The following LPP variants were observed in gnomAD, a reference collection of about 807,000 sequenced individuals.
The protein encoded by LPP is LIM domain containing preferred translocation partner in lipoma.
A neutral mutation model predicts 60.4 loss-of-function variants in LPP; 38 were observed. That is an observed-to-expected ratio of 0.63 (90% CI 0.49 to 0.83). The LOEUF (loss-of-function observed/expected upper bound fraction) is 0.83. Among genes scored for constraint, LPP ranks in the 40% least tolerant of loss-of-function variants. The probability of loss-of-function intolerance (pLI) is 0.00; values close to 1 mark genes in which losing one functional copy is unlikely to be tolerated. For missense variants in LPP, 902 were observed against 783.6 expected (o/e 1.15, Z -1.80); for synonymous variants, 328 against 290.8 (o/e 1.13, Z -1.30).
At chr3:188,841,391 TTG>T (rs1384010280) in intron 9 of LPP, among the ~76,000 whole-genome samples, 188 of 123,594 alleles carry the variant, frequency 1.5e-3, no homozygotes, top group African/African-American at 5.9e-3. Context: ...CTTTCTGAAT[TTG>T]TTTTTTTTTT....
chr3:188,856,734 T>C (rs1425520721), intron 9 of LPP, among the ~76,000 whole-genome samples: 3 of 152,124 alleles, frequency 2.0e-5, no homozygotes, highest in Non-Finnish European at 4.4e-5. Flanking sequence ...ATGAAACTGG[T>C]CTAAATGTTG....
At chr3:188,856,261 A>T (rs186701379) in intron 9 of LPP, among the ~76,000 whole-genome samples, 2 of 152,354 alleles carry the variant, frequency 1.3e-5, no homozygotes, top group African/African-American at 4.8e-5. Flanking sequence ...CCAGGTATGT[A>T]AACTAAATAA....
chr3:188,326,934 A>T (rs1002292289), intron 2 of LPP, among the ~76,000 whole-genome samples: 2 of 152,166 alleles, frequency 1.3e-5, no homozygotes, highest in South Asian at 4.1e-4. Flanking sequence ...TAAATGAAGT[A>T]AAGAGACACA....
intron 7 of LPP, among the ~76,000 whole-genome samples, chr3:188,611,158 T>G (rs1418180575): frequency 6.6e-6 from 1 of 152,156 alleles, no homozygotes; most frequent in Non-Finnish European, 1.5e-5. Context: ...TTCCTGACAG[T>G]GGGGACTGTG....
At chr3:188,267,743 T>C (rs79307476) in intron 2 of LPP, among the ~76,000 whole-genome samples, 2 of 152,256 alleles carry the variant, frequency 1.3e-5, no homozygotes, top group Non-Finnish European at 2.9e-5. Flanking sequence ...AGTAAGAGAT[T>C]TGACCTTTGC....
chr3:188,830,432 G>C (rs184591938), intron 9 of LPP, among the ~76,000 whole-genome samples: 4 of 151,706 alleles, frequency 2.6e-5, no homozygotes, highest in African/African-American at 9.7e-5. Context: ...GTGAAACCTC[G>C]TCTCTACTAA....
intron 9 of LPP, among the ~76,000 whole-genome samples, chr3:188,791,456 G>A (rs539779806): frequency 2.6e-5 from 4 of 152,096 alleles, no homozygotes; most frequent in South Asian, 2.1e-4. Context: ...TTATGCGATC[G>A]TTTGTCATTG....
chr3:188,785,470 CCATCATATATATATATT>C (rs1741343889), intron 9 of LPP, among the ~76,000 whole-genome samples: 1 of 40,408 alleles, frequency 2.5e-5, no homozygotes, highest in African/African-American at 1.2e-4. Flanking sequence ...TATATATATT[CCATCATATATATATATT>C]CATCATATAT....
At chr3:188,428,720 A>G (rs1464033088) in intron 4 of LPP, among the ~76,000 whole-genome samples, 3 of 152,032 alleles carry the variant, frequency 2.0e-5, no homozygotes, top group Non-Finnish European at 4.4e-5. Flanking sequence ...TTTCTAGTGC[A>G]GGAAACTGAA....
Position 188,648,057 on chromosome 3 carries a change from T to C in LPP, c.1113+38213T>C, listed in dbSNP as rs373502627. Among the ~76,000 whole-genome samples the C allele has an allele frequency of 2.0e-4, 30 of 152,304 alleles. 1 individual carries two copies. In the East Asian group the frequency reaches 3.9e-3, roughly 20 times the overall value. On this transcript the variant is annotated intron_variant, in intron 7 of 11. Coordinates refer to ENST00000617246, the MANE Select transcript of LPP (RefSeq NM_001375462.1). ...ATGAGACTCAATGAAAAAGTACTTT[T>C]TGGACAATAGAACACTACATAAATA... is the stretch of plus-strand genomic sequence containing the variant.
chr3:188,577,199 T>C (rs1428346441), intron 6 of LPP, among the ~76,000 whole-genome samples: 2 of 152,216 alleles, frequency 1.3e-5, no homozygotes, highest in Non-Finnish European at 2.9e-5. Context: ...ATCTTTGCTA[T>C]TCATTATGTA....
intron 2 of LPP, among the ~76,000 whole-genome samples, chr3:188,249,893 A>G (rs1728500433): frequency 7.5e-6 from 1 of 132,686 alleles, no homozygotes; most frequent in South Asian, 2.4e-4. Context: ...CCATATATAT[A>G]TATATATATT....
rs144293064 is a variant in LPP at position 188,567,617 on chromosome 3, C to T, written c.430-41544C>T. On this transcript the variant is annotated intron_variant, in intron 6 of 11. Transcript: ENST00000617246. ...GCTGTTATCATCATTGCCTGAATAC[C>T]ATATTTGTGGTATGTAAAATATTTG... 2.0e-5 allele frequency among the ~76,000 whole-genome samples: 3 copies of T among 151,980 alleles called. No individual in the cohort carries two copies. In the East Asian group the frequency reaches 5.8e-4, roughly 30 times the overall value.
chr3:188,266,950 T>C (rs188482955), intron 2 of LPP, among the ~76,000 whole-genome samples: 2 of 152,282 alleles, frequency 1.3e-5, no homozygotes, highest in African/African-American at 2.4e-5. Flanking sequence ...GTGAAGTCCA[T>C]TGTTACTCAT....
chr3:188,159,628 A>T (rs928916034), intron 1 of LPP, among the ~76,000 whole-genome samples: 2 of 152,128 alleles, frequency 1.3e-5, no homozygotes, highest in Non-Finnish European at 2.9e-5. Flanking sequence ...GAGGGAGTAA[A>T]ATAGTTCACT....
chr3:188,721,954 C>T (rs1175605726), intron 8 of LPP, among the ~76,000 whole-genome samples: 2 of 152,190 alleles, frequency 1.3e-5, no homozygotes, highest in Admixed American at 6.5e-5. Flanking sequence ...TTGCCTCAAA[C>T]ACTTTTCATA....
rs560932116 is a variant in LPP, at chr3:188,181,225, T to A, written c.-190+26973T>A. Among the ~76,000 whole-genome samples, 6 of 151,976 alleles carry A rather than the reference T, an allele frequency of 3.9e-5. No homozygotes were observed. The South Asian group carries it at 1.2e-3, about 32-fold the overall frequency. ...AAAACTAGCTGGACTTGGTAGCGCA[T>A]GCCTGTAATCCCAGCTACTCAGGAG... On this transcript the variant is annotated intron_variant, in intron 1 of 11. Transcript: ENST00000617246.
At chr3:188,783,635 G>A (rs1333027289) in intron 9 of LPP, among the ~76,000 whole-genome samples, 1 of 151,860 alleles carries the variant, frequency 6.6e-6, no homozygotes, top group Admixed American at 6.6e-5. Context: ...GAAATAATCT[G>A]TACAACAAAC....
At chr3:188,350,710 T>C (rs547131301) in intron 3 of LPP, among the ~76,000 whole-genome samples, 1 of 152,250 alleles carries the variant, frequency 6.6e-6, no homozygotes, top group South Asian at 2.1e-4. Context: ...GTCCTGCCTC[T>C]ATTTTATATT....
Sources: allele counts gnomAD v4.1 joint callset (sites outside exome capture counted in the v4.1 genomes callset), GRCh38; gene constraint gnomAD v4.1.1; transcripts MANE v1.5; gene names NCBI Gene and HGNC (gene_info 2026-07-23, HGNC 2026-07-21).